Variants in INO80D observed in about 807,000 individuals in gnomAD.
INO80D encodes the protein INO80 complex subunit D.
In INO80D, 21 loss-of-function variants were observed where a neutral mutation model predicts 87.6. The observed-to-expected ratio is 0.24, with a 90% CI of 0.17 to 0.35. The LOEUF (loss-of-function observed/expected upper bound fraction) is 0.35. Ranked by LOEUF, INO80D falls within the 10% of genes least tolerant of loss-of-function variation. INO80D has a pLI of 1.00. For synonymous variants in INO80D, 440 were observed against 491.0 expected (o/e 0.90, Z 1.37); for missense variants, 982 against 1,280.7 (o/e 0.77, Z 3.56).
intron 9 of INO80D, among the ~76,000 whole-genome samples, chr2:206,009,062 C>A (rs1688100903): frequency 2.0e-5 from 3 of 152,206 alleles, no homozygotes; most frequent in Admixed American, 6.5e-5. Flanking sequence ...GTATTCCCAG[C>A]ACTTTGGGAG....
intron 8 of INO80D, among the ~76,000 whole-genome samples, chr2:206,013,426 C>T (rs1688232217): frequency 6.6e-6 from 1 of 151,938 alleles, no homozygotes; most frequent in East Asian, 1.9e-4. Context: ...GTGGCAGGCA[C>T]CTGTAGTCCC....
chr2:206,016,196 T>G (rs1688315172), intron 8 of INO80D, among the ~76,000 whole-genome samples: 1 of 152,236 alleles, frequency 6.6e-6, no homozygotes, highest in Middle Eastern at 3.2e-3. Context: ...GGGGCAGACC[T>G]GCCCAAGATT....
chr2:206,000,531 T>C lies in INO80D; in HGVS notation c.*3837A>G, dbSNP rs1366043044. 2 of 151,854 alleles carry C rather than the reference T, an allele frequency of 1.3e-5. No homozygotes were observed. Among genetic ancestry groups the C allele is most frequent in the African/African-American group, 2.4e-5 (1 of 41,302 alleles). The allele number at this position is 151,854 out of a possible 1,614,324, so 9.4% of individuals were successfully genotyped here. On this transcript the variant is annotated 3_prime_UTR_variant, in exon 11 of 11. Coordinates refer to ENST00000403263, the MANE Select transcript of INO80D (RefSeq NM_017759.5). ...GTCAACAGAAAGGTCAATTCTTTCA[T>C]GTAAGAAGAAAACCGTATGGACAGG...
Position 206,004,632 on chromosome 2 carries a change from G to T in INO80D, c.2820C>A (p.Ser940Arg). The change falls in exon 11 of 11, where the codon AGC becomes AGA. Residue 940 changes from serine (S) to arginine (R), a missense_variant. Transcript: ENST00000403263. The surrounding 1 kb of genome is among the most constrained non-coding windows in gnomAD (Gnocchi z 4.9). ...TQPAFATVTPSSSSVLPGLPQ... is the reference protein window; with the variant it reads ...TQPAFATVTPRSSSVLPGLPQ... Reference sequence around the variant, plus strand: ...GTAACCCCGGAAGCACACTGGAGCTGCTGGGGGTCACGGTGGCGAAGGCAG... The same window carrying T: ...GTAACCCCGGAAGCACACTGGAGCTTCTGGGGGTCACGGTGGCGAAGGCAG... 1 of 1,613,500 alleles carries T rather than the reference G, an allele frequency of 6.2e-7. No individual in the cohort carries two copies. Among genetic ancestry groups the T allele is most frequent in the Non-Finnish European group, 8.5e-7 (1 of 1,179,682 alleles).
chr2:206,035,076 C>CTGAAAGAAATCATGGA (rs1325216503), intron 5 of INO80D, among the ~76,000 whole-genome samples: 50 of 152,180 alleles, frequency 3.3e-4, no homozygotes, highest in Non-Finnish European at 6.5e-4. Flanking sequence ...CAAAACACTG[C>CTGAAAGAAATCATGGA]TGAAAGAAAT....
At chr2:206,043,417 A>C (rs916666869) in intron 5 of INO80D, among the ~76,000 whole-genome samples, 1 of 151,386 alleles carries the variant, frequency 6.6e-6, no homozygotes, top group Non-Finnish European at 1.5e-5. Flanking sequence ...TGATCCGCCC[A>C]CTTCGGCCTC....
chr2:206,046,117 T>C (rs1172431843), intron 5 of INO80D, among the ~76,000 whole-genome samples: 2 of 152,244 alleles, frequency 1.3e-5, no homozygotes, highest in Non-Finnish European at 2.9e-5. Context: ...GTGGAATCTA[T>C]TTTACCACCA....
At chr2:206,075,325 C>G (rs1690084589) in intron 1 of INO80D, among the ~76,000 whole-genome samples, 1 of 152,166 alleles carries the variant, frequency 6.6e-6, no homozygotes. Context: ...TCTTTTGATT[C>G]TCCTGTTTCA....
Position 206,063,048 on chromosome 2 carries a change from A to G in INO80D, c.-29-3T>C. On this transcript the variant is annotated splice_polypyrimidine_tract_variant and splice_region_variant and intron_variant, in intron 2 of 10. Coordinates refer to ENST00000403263, the MANE Select transcript of INO80D (RefSeq NM_017759.5). ...ACTCTATTCCTTGTGAACATCAGCT[A>G]AAAGGCCACCACAAAAAAAGAAACC... 1 of 1,473,812 alleles carries G rather than the reference A, an allele frequency of 6.8e-7. No homozygotes were observed. The highest frequency in any genetic ancestry group is 9.4e-7 in the Non-Finnish European group (1 of 1,061,554). The allele number at this position is 1,473,812 out of a possible 1,614,324, so 91.3% of individuals were successfully genotyped here. A position where few individuals can be genotyped will look rare whatever the true frequency, so the allele number is the denominator to read the frequency against.
At chr2:206,040,625 G>T in intron 5 of INO80D, 1 of 243,738 alleles carries the variant, frequency 4.1e-6, no homozygotes. Context: ...AAGATTACCA[G>T]GAGGTCAAAG....
intron 9 of INO80D, 58 bp from the exon 10 acceptor site, chr2:206,007,499 A>G: frequency 6.5e-7 from 1 of 1,529,324 alleles, no homozygotes; most frequent in Non-Finnish European, 8.8e-7. Context: ...CATCAATACC[A>G]CCAAGCCAAG....
Position 206,005,179 on chromosome 2 carries a change from G to A in INO80D, c.2273C>T (p.Ala758Val). ...AGAAGTAAGGCCAACGTTGGCTGGG[G>A]CAGAGAACTGCCCCTGGATCTGCCC... is the stretch of plus-strand genomic sequence containing the variant. ...LAGQIQGQFS[A>V]PANVGLTSAT... is the part of the protein sequence containing the mutation. The change falls in exon 11 of 11, where the codon GCC becomes GTC. Residue 758 changes from alanine (A) to valine (V), a missense_variant. Coordinates refer to ENST00000403263, the MANE Select transcript of INO80D (RefSeq NM_017759.5). 6.2e-7 allele frequency: 1 copy of A among 1,614,018 alleles called. No homozygotes were observed. Among genetic ancestry groups the A allele is most frequent in the Non-Finnish European group, 8.5e-7 (1 of 1,179,882 alleles).
At chr2:206,050,855 A>G (rs796314852) in intron 4 of INO80D, among the ~76,000 whole-genome samples, 3 of 150,186 alleles carry the variant, frequency 2.0e-5, no homozygotes, top group Non-Finnish European at 4.5e-5. Flanking sequence ...TGTAGTCCCA[A>G]CTACTCGGCA....
intron 8 of INO80D, among the ~76,000 whole-genome samples, chr2:206,013,749 A>G (rs995266159): frequency 6.6e-6 from 1 of 151,512 alleles, no homozygotes; most frequent in African/African-American, 2.4e-5. Context: ...CAGGGCCCAC[A>G]TTACCATGGG....
rs1688151778 is a variant in INO80D at position 206,010,759 on chromosome 2, ATAAATT to A, written c.1543-971_1543-966del. 5.9e-5 allele frequency among the ~76,000 whole-genome samples: 9 copies of A among 152,202 alleles called. No homozygotes were observed. The South Asian group carries it at 1.9e-3, about 31-fold the overall frequency. ...CAATTACAGATTAAGTCACAAATACATAAATTTAAAACAAACCAAAAAAAAGAGGCT... is the reference window on the plus strand; with the variant it reads ...CAATTACAGATTAAGTCACAAATACATAAAACAAACCAAAAAAAAGAGGCT... On this transcript the variant is annotated intron_variant, in intron 8 of 10. Coordinates refer to ENST00000403263, the MANE Select transcript of INO80D (RefSeq NM_017759.5).
intron 8 of INO80D, among the ~76,000 whole-genome samples, chr2:206,010,983 C>A (rs1688158649): frequency 6.7e-6 from 1 of 150,106 alleles, no homozygotes; most frequent in South Asian, 2.1e-4. Flanking sequence ...GAGGCTGAGG[C>A]AACGGAATTG....
In INO80D at chr2:206,035,018, A is replaced by C. The variant is rs372342864; in HGVS notation, c.1074-6683T>G. Among the ~76,000 whole-genome samples the C allele has an allele frequency of 1.9e-3, 284 of 152,322 alleles. 8 individuals carry two copies. The South Asian group carries it at 0.057, about 31-fold the overall frequency. ...GAAAAATAATAATAATAAAATACTT[A>C]GGAATATACCTAACAAAGGAGGCGA... On this transcript the variant is annotated intron_variant, in intron 5 of 10. Transcript: ENST00000403263.
chr2:206,044,029 C>T (rs1689129284), intron 5 of INO80D, among the ~76,000 whole-genome samples: 1 of 152,002 alleles, frequency 6.6e-6, no homozygotes, highest in South Asian at 2.1e-4. Context: ...CCCATCTCTA[C>T]AAAAAACTTA....
intron 6 of INO80D, among the ~76,000 whole-genome samples, chr2:206,026,105 T>C (rs565061142): frequency 6.6e-6 from 1 of 152,104 alleles, no homozygotes; most frequent in South Asian, 2.1e-4. Flanking sequence ...CATCACGTTG[T>C]CCAGGCTAAT....
Sources: gnomAD v4.1 joint callset for allele counts (sites outside exome capture counted in the v4.1 genomes callset) on GRCh38, gnomAD v4.1.1 for gene constraint, Gnocchi (gnomAD v3.1) non-coding constraint, MANE v1.5 for transcripts, NCBI Gene and HGNC (gene_info 2026-07-23, HGNC 2026-07-21) for gene names.